Variants in HEPHL1 observed in about 807,000 individuals in gnomAD.
The protein encoded by HEPHL1 is hephaestin like 1, also known as ferroxidase HEPHL1.
In HEPHL1, 123 loss-of-function variants were observed where a neutral mutation model predicts 122.0. That is an observed-to-expected ratio of 1.01 (90% CI 0.87 to 1.17). The LOEUF (loss-of-function observed/expected upper bound fraction) is 1.17. HEPHL1 is among the 50% of genes most tolerant of loss of function. The probability of loss-of-function intolerance (pLI) is 0.00; values close to 1 mark genes in which losing one functional copy is unlikely to be tolerated. For missense variants in HEPHL1, 1,452 were observed against 1,430.5 expected, an observed-to-expected ratio of 1.01 and a Z score of -0.24; for synonymous variants, 527 against 508.9, an observed-to-expected ratio of 1.04 and a Z score of -0.48.
chr11:94,078,208 A>T (rs182605259), intron 9 of HEPHL1, among the ~76,000 whole-genome samples: 2 of 152,066 alleles, frequency 1.3e-5, no homozygotes, highest in Non-Finnish European at 1.5e-5. Flanking sequence ...AGAAAATGCC[A>T]TATTACACAC....
At chr11:94,079,040 G>A (rs1471155367) in intron 9 of HEPHL1, among the ~76,000 whole-genome samples, 1 of 152,130 alleles carries the variant, frequency 6.6e-6, no homozygotes, top group Non-Finnish European at 1.5e-5. Flanking sequence ...AAGCAATGAG[G>A]TTCTTCAATG....
chr11:94,075,607 T>A (rs1273008268), intron 9 of HEPHL1, among the ~76,000 whole-genome samples: 2 of 152,170 alleles, frequency 1.3e-5, no homozygotes, highest in African/African-American at 4.8e-5. Context: ...AATCTCTGCT[T>A]GTTGTGGTTA....
Position 94,070,258 on chromosome 11 carries a change from TC to T in HEPHL1, c.1064-114del, listed in dbSNP as rs1591477080. The T allele has an allele frequency of 3.0e-6, 3 of 984,098 alleles. No homozygotes were observed. In the East Asian group the frequency reaches 8.4e-5, roughly 28 times the overall value. The allele number at this position is 984,098 out of a possible 1,614,324, so 61.0% of individuals were successfully genotyped here. On this transcript the variant is annotated intron_variant, in intron 5 of 19. Coordinates refer to ENST00000315765, the MANE Select transcript of HEPHL1 (RefSeq NM_001098672.2). ...CTTTTTAAAAAAACTTTCTTTATGG[TC>T]CAATTTTCTGTACAGAAGCCTAAAT...
intron 13 of HEPHL1, among the ~76,000 whole-genome samples, chr11:94,095,458 G>A (rs1157791897): frequency 6.6e-6 from 1 of 152,172 alleles, no homozygotes. Context: ...TTTTGGCTTA[G>A]GATTGACTTG....
intron 1 of HEPHL1, among the ~76,000 whole-genome samples, chr11:94,036,824 G>A (rs1281886338): frequency 7.8e-6 from 1 of 127,390 alleles, no homozygotes; most frequent in East Asian, 2.2e-4. Context: ...GGGCAACAGA[G>A]CAAGACTCCG....
At chr11:94,038,309 CAGG>C (rs1199004599) in intron 1 of HEPHL1, among the ~76,000 whole-genome samples, 2 of 144,144 alleles carry the variant, frequency 1.4e-5, no homozygotes, top group Non-Finnish European at 3.0e-5. Context: ...GGATATTATC[CAGG>C]AGAACTTCCC....
intron 10 of HEPHL1, among the ~76,000 whole-genome samples, chr11:94,084,783 T>A (rs1001638992): frequency 4.6e-5 from 7 of 152,218 alleles, no homozygotes; most frequent in African/African-American, 1.7e-4. Context: ...TATCAAAGAT[T>A]TTTTTTTCAT....
At chr11:94,097,358 T>C (rs1423998478) in intron 13 of HEPHL1, among the ~76,000 whole-genome samples, 4 of 152,220 alleles carry the variant, frequency 2.6e-5, no homozygotes, top group African/African-American at 9.6e-5. Context: ...GAGTTCTAGT[T>C]TGATTGCACT....
Position 94,088,743 on chromosome 11 carries a change from T to C in HEPHL1, c.2081-12T>C. 6.2e-7 allele frequency: 1 copy of C among 1,606,760 alleles called. No individual in the cohort carries two copies. Among genetic ancestry groups the C allele is most frequent in the African/African-American group, 1.3e-5 (1 of 74,918 alleles). On this transcript the variant is annotated splice_polypyrimidine_tract_variant and intron_variant, in intron 11 of 19. Coordinates refer to ENST00000315765, the MANE Select transcript of HEPHL1 (RefSeq NM_001098672.2). ...GAGCACCACACTCAATGCCGAGCCA[T>C]TTCTCTTGCAGGTATTTTTAGGGTG...
At chr11:94,051,408 G>C (rs1266940779) in intron 2 of HEPHL1, among the ~76,000 whole-genome samples, 2 of 152,094 alleles carry the variant, frequency 1.3e-5, no homozygotes, top group East Asian at 3.8e-4. Context: ...GACCAATAAT[G>C]TTAAGCACCT....
chr11:94,078,326 G>A (rs1946142369), intron 9 of HEPHL1, among the ~76,000 whole-genome samples: 1 of 151,778 alleles, frequency 6.6e-6, no homozygotes, highest in Non-Finnish European at 1.5e-5. Context: ...GTTGTGTAAT[G>A]GGTTATGGTT....
At chr11:94,074,497 C>T (rs914951511) in intron 8 of HEPHL1, among the ~76,000 whole-genome samples, 2 of 152,024 alleles carry the variant, frequency 1.3e-5, no homozygotes, top group Non-Finnish European at 2.9e-5. Context: ...CTAGAACTGA[C>T]AAAATGTTTG....
intron 11 of HEPHL1, among the ~76,000 whole-genome samples, chr11:94,087,421 T>C (rs1007178221): frequency 1.3e-5 from 2 of 152,312 alleles, no homozygotes; most frequent in African/African-American, 4.8e-5. Context: ...GTGATAAGCA[T>C]AAATCTGTGA....
chr11:94,035,057 G>A (rs1285693178), intron 1 of HEPHL1, among the ~76,000 whole-genome samples: 1 of 152,122 alleles, frequency 6.6e-6, no homozygotes, highest in Non-Finnish European at 1.5e-5. Flanking sequence ...AAATGCCTTA[G>A]CCAAGCACTC....
chr11:94,041,089 A>G (rs2134411927), intron 1 of HEPHL1, among the ~76,000 whole-genome samples: 1 of 141,256 alleles, frequency 7.1e-6, no homozygotes, highest in South Asian at 2.4e-4. Context: ...ACAGACAAAC[A>G]GAGAGCCAAA....
intron 1 of HEPHL1, among the ~76,000 whole-genome samples, chr11:94,036,548 A>G (rs184497676): frequency 1.3e-5 from 2 of 152,298 alleles, no homozygotes. Flanking sequence ...TCTAGATCCA[A>G]CTGGTCTACC....
At chr11:94,025,969 G>C (rs1019561632) in intron 1 of HEPHL1, among the ~76,000 whole-genome samples, 3 of 152,196 alleles carry the variant, frequency 2.0e-5, no homozygotes, top group Admixed American at 6.5e-5. Flanking sequence ...CTAGAGACTG[G>C]AGTATAATGT....
intron 17 of HEPHL1, among the ~76,000 whole-genome samples, chr11:94,108,784 G>T (rs1364835656): frequency 2.0e-5 from 3 of 151,994 alleles, no homozygotes; most frequent in African/African-American, 4.8e-5. Flanking sequence ...ATGCCACAAT[G>T]TTTTGATTAC....
chr11:94,037,656 G>A (rs1945739001), intron 1 of HEPHL1, among the ~76,000 whole-genome samples: 1 of 152,060 alleles, frequency 6.6e-6, no homozygotes, highest in Admixed American at 6.5e-5. Flanking sequence ...TGCAGCTGAG[G>A]GTCCTGTCTG....
Sources: gnomAD v4.1 joint callset for allele counts (sites outside exome capture counted in the v4.1 genomes callset) on GRCh38, gnomAD v4.1.1 for gene constraint, MANE v1.5 for transcripts, NCBI Gene and HGNC (gene_info 2026-07-23, HGNC 2026-07-21) for gene names.